Variants in DHX35 observed in about 807,000 individuals in gnomAD.
The protein encoded by DHX35 is probable ATP-dependent RNA helicase DHX35.
Under a neutral mutation model 99.6 loss-of-function variants are expected in DHX35, and 84 were observed. That is an observed-to-expected ratio of 0.84 (90% CI 0.71 to 1.01). The LOEUF is 1.01. DHX35 is among the 50% of genes least tolerant of loss of function. The pLI is 0.00. For missense variants in DHX35, 852 were observed against 888.5 expected (o/e 0.96, Z 0.52); for synonymous variants, 331 against 316.2 (o/e 1.05, Z -0.50).
At chr20:39,021,492 A>AT (rs1312319657) in intron 15 of DHX35, among the ~76,000 whole-genome samples, 1 of 151,978 alleles carries the variant, frequency 6.6e-6, no homozygotes, top group Non-Finnish European at 1.5e-5. Flanking sequence ...TATAAACTTC[A>AT]TTTTTTTGTT....
rs1250377185 is a variant in DHX35 at position 38,972,636 on chromosome 20, C to G, written c.252C>G (p.Ser84Arg). The change falls in exon 3 of 22, where the codon AGC becomes AGG. Residue 84 changes from serine (S) to arginine (R), a missense_variant. By Grantham distance (110) the Ser-to-Arg change is moderately radical. Transcript: ENST00000252011. ...VIVGETGCGKSTQIPQYLAEA... is the reference protein window; with the variant it reads ...VIVGETGCGKRTQIPQYLAEA... Reference sequence around the variant, plus strand: ...TTGGTGAAACAGGATGTGGGAAGAGCACACAGATTCCTCAGGTGAGTACAT... The same window carrying G: ...TTGGTGAAACAGGATGTGGGAAGAGGACACAGATTCCTCAGGTGAGTACAT... 8.7e-6 allele frequency: 14 copies of G among 1,611,032 alleles called. No homozygotes were observed. The highest frequency in any genetic ancestry group is 1.2e-5 in the Non-Finnish European group (14 of 1,177,390).
At chr20:39,037,545 C>CTGGGGGCGATGCGGCTTGA (rs2087175231) in intron 21 of DHX35, among the ~76,000 whole-genome samples, 2 of 152,142 alleles carry the variant, frequency 1.3e-5, no homozygotes, top group Non-Finnish European at 2.9e-5. Context: ...GCAGTTCTCT[C>CTGGGGGCGATGCGGCTTGA]TGGGGGCGAT....
intron 1 of DHX35, among the ~76,000 whole-genome samples, chr20:38,966,123 A>G (rs1461651188): frequency 6.6e-6 from 1 of 152,266 alleles, no homozygotes; most frequent in African/African-American, 2.4e-5. Context: ...ATTTTTAAAA[A>G]CCAAGTTAAA....
intron 2 of DHX35, among the ~76,000 whole-genome samples, chr20:38,969,561 A>C (rs1242980800): frequency 6.6e-6 from 1 of 152,196 alleles, no homozygotes; most frequent in Non-Finnish European, 1.5e-5. Context: ...ACATATGGCC[A>C]ATTTTTGCTT....
At chr20:39,001,682 G>A (rs751124940) in intron 8 of DHX35, 48 bp from the exon 9 acceptor site, 16 of 1,467,630 alleles carry the variant, frequency 1.1e-5, no homozygotes, top group South Asian at 1.2e-5. Flanking sequence ...GAATCGCTAC[G>A]AACCTTTTTT....
intron 13 of DHX35, among the ~76,000 whole-genome samples, chr20:39,011,030 T>G (rs956231814): frequency 6.6e-6 from 1 of 152,204 alleles, no homozygotes; most frequent in African/African-American, 2.4e-5. Flanking sequence ...TTTGCTGATT[T>G]GATTGGCCAG....
chr20:39,032,555 G>A (rs2087073666), intron 20 of DHX35, among the ~76,000 whole-genome samples: 1 of 152,330 alleles, frequency 6.6e-6, no homozygotes, highest in African/African-American at 2.4e-5. Flanking sequence ...GGTGGGGTGT[G>A]TGTGAAGAGA....
chr20:39,010,400 T>A lies in DHX35; in HGVS notation c.1343T>A (p.Met448Lys), dbSNP rs539254627. The change falls in exon 13 of 22, where the codon ATG (methionine) becomes AAG (lysine). Residue 448 changes from methionine (M) to lysine (K), a missense_variant. Met to Lys is a moderately conservative substitution (Grantham distance 95). Coordinates refer to ENST00000252011, the MANE Select transcript of DHX35 (RefSeq NM_021931.4). ...GACAATGTCCTCAGGTTCCACTTCA[T>A]GTCGGTAAGTCCTGCCTGCTGTCTG... Reference protein sequence around the residue: ...GIDNVLRFHFMSPPPAQSMVQ... With the variant: ...GIDNVLRFHFKSPPPAQSMVQ... 7.4e-6 allele frequency: 12 copies of A among 1,614,042 alleles called. No homozygotes were observed. Among genetic ancestry groups the A allele is most frequent in the Non-Finnish European group, 1.0e-5 (12 of 1,179,946 alleles).
chr20:39,029,514 T>C (rs12625203), intron 19 of DHX35: 24,303 of 151,382 alleles, frequency 0.16, 2,163 homozygotes, highest in East Asian at 0.3. Flanking sequence ...ACTCCAGGCA[T>C]GTTGTAGCCT....
chr20:39,002,980 G>T, intron 10 of DHX35, 112 bp downstream of exon 10: 1 of 968,116 alleles, frequency 1.0e-6, no homozygotes, highest in Non-Finnish European at 1.5e-6. Flanking sequence ...TGTATTTTGT[G>T]GTTCCATAAT....
chr20:39,000,219 A>T (rs748717321), intron 8 of DHX35, among the ~76,000 whole-genome samples: 4 of 152,216 alleles, frequency 2.6e-5, no homozygotes, highest in Non-Finnish European at 4.4e-5. Context: ...GCTCTCCCTG[A>T]AAGCCGGTAG....
rs2087104543 is a variant in DHX35 at position 39,034,178 on chromosome 20, A to G, written c.1956-28A>G. On this transcript the variant is annotated intron_variant, in intron 20 of 21. Coordinates refer to ENST00000252011, the MANE Select transcript of DHX35 (RefSeq NM_021931.4). The stretch of plus-strand genomic sequence containing the variant: ...CTGACTGTCATCACAAGAGGGGGAA[A>G]TTAGCTCATGTTTCTTTCTCATTTC... 2.6e-6 allele frequency: 4 copies of G among 1,550,990 alleles called. No homozygotes were observed. The Middle Eastern group carries it at 6.7e-4, about 261-fold the overall frequency.
intron 3 of DHX35, among the ~76,000 whole-genome samples, chr20:38,977,050 G>C (rs143919706): frequency 6.6e-6 from 1 of 152,158 alleles, no homozygotes; most frequent in Admixed American, 6.5e-5. Context: ...GTTGTGAATA[G>C]TGATGGGAGT....
At chr20:39,024,846 T>G (rs536931844) in intron 17 of DHX35, among the ~76,000 whole-genome samples, 1 of 152,350 alleles carries the variant, frequency 6.6e-6, no homozygotes, top group Non-Finnish European at 1.5e-5. Flanking sequence ...TTGGCAAGTG[T>G]CATATTGTTG....
chr20:38,967,315 GT>G (rs1039795239), intron 1 of DHX35, among the ~76,000 whole-genome samples: 141 of 152,308 alleles, frequency 9.3e-4, no homozygotes, highest in African/African-American at 3.3e-3. Flanking sequence ...CAGATTCTGA[GT>G]TCAGAAGACC....
intron 16 of DHX35, among the ~76,000 whole-genome samples, chr20:39,022,434 G>A (rs1395210481): frequency 6.6e-6 from 1 of 152,160 alleles, no homozygotes; most frequent in East Asian, 1.9e-4. Context: ...GGTATTACAA[G>A]CGTGAGCCAC....
rs550951179 is a variant in DHX35 at position 38,966,243 on chromosome 20, A to G, written c.41-2838A>G. ...TCCCTTAAGCATAGAGCGTACGCTC[A>G]AGGAAAAATCAATCATAGGCAGCCA... On this transcript the variant is annotated intron_variant, in intron 1 of 21. Transcript: ENST00000252011. Among the ~76,000 whole-genome samples the G allele has an allele frequency of 5.9e-5, 9 of 152,380 alleles. No homozygotes were observed. The East Asian group carries it at 1.2e-3, about 20-fold the overall frequency.
chr20:38,974,537 T>C (rs895103093), intron 3 of DHX35, among the ~76,000 whole-genome samples: 1 of 152,208 alleles, frequency 6.6e-6, no homozygotes, highest in African/African-American at 2.4e-5. Context: ...GGGAAATTAA[T>C]GTGTGTGTTT....
Position 39,006,196 on chromosome 20 carries a change from T to C in DHX35, c.1062T>C (p.Ile354=). 1.9e-6 allele frequency: 3 copies of C among 1,614,128 alleles called. No homozygotes were observed. The highest frequency in any genetic ancestry group is 2.5e-6 in the Non-Finnish European group (3 of 1,180,018). The change falls in exon 12 of 22, where the codon ATT becomes ATC. Residue 354 remains isoleucine, a synonymous_variant. Transcript: ENST00000252011. The part of the protein sequence containing the change: ...VAETSITISG[I]VYVIDCGFVK... The stretch of plus-strand genomic sequence containing the variant: ...AAACCTCTATCACAATCAGCGGCAT[T>C]GTGTATGTGATCGACTGTGGCTTTG...
Sources: allele counts gnomAD v4.1 joint callset (sites outside exome capture counted in the v4.1 genomes callset), GRCh38; gene constraint gnomAD v4.1.1; transcripts MANE v1.5; gene names NCBI Gene and HGNC (gene_info 2026-07-23, HGNC 2026-07-21).